The following UNKL variants were observed in gnomAD, a reference collection of about 807,000 sequenced individuals.
UNKL encodes unk like zinc finger.
A neutral mutation model predicts 78.0 loss-of-function variants in UNKL; 60 were observed. That is an observed-to-expected ratio of 0.77 (90% confidence interval 0.63 to 0.95). UNKL has a LOEUF of 0.95. Among genes scored for constraint, UNKL ranks in the 40% least tolerant of loss-of-function variants. The pLI is 0.00. For synonymous variants in UNKL, 608 were observed against 474.8 expected (o/e 1.28, Z -3.65); for missense variants, 1,159 against 1,045.7 (o/e 1.11, Z -1.49).
At chr16:1,394,728 T>G (rs6600139) in intron 6 of UNKL, among the ~76,000 whole-genome samples, 140,230 of 152,222 alleles carry the variant, frequency 0.92, 64,697 homozygotes, top group East Asian at 1. Context: ...TAGCTCTCCG[T>G]AAAGGACACG....
In UNKL at chr16:1,366,145, C is replaced by G. The variant is rs987497444; in HGVS notation, c.*95G>C. 2 of 1,360,936 alleles carry G rather than the reference C, an allele frequency of 1.5e-6. No individual in the cohort carries two copies. Among genetic ancestry groups the G allele is most frequent in the Non-Finnish European group, 9.6e-7 (1 of 1,042,930 alleles). 84.3% of individuals were successfully genotyped at this position (1,360,936 alleles called of 1,614,324 possible). On this transcript the variant is annotated 3_prime_UTR_variant, in exon 15 of 15. Coordinates refer to ENST00000389221, the MANE Select transcript of UNKL (RefSeq NM_001372107.1). ...GAAGGGCTCCCAGCCTCGGTCCTCA[C>G]GTCGGTGGCACCAGAAGCGAGTGAC...
chr16:1,414,104 G>T, intron 1 of UNKL, 49 bp from the exon 2 acceptor site: 1 of 1,495,722 alleles, frequency 6.7e-7, no homozygotes, highest in Non-Finnish European at 9.0e-7. Context: ...CACCTCCAGG[G>T]ACTCGGACTC....
At chr16:1,410,556 G>A (rs1300882131) in intron 2 of UNKL, among the ~76,000 whole-genome samples, 7 of 152,152 alleles carry the variant, frequency 4.6e-5, no homozygotes, top group Admixed American at 1.3e-4. Context: ...GCGGTGAGCC[G>A]AGATCACGCC....
chr16:1,367,507 TCCCTCCC>T lies in UNKL; in HGVS notation c.1788+142_1788+148del, dbSNP rs1261642029. Reference sequence around the variant, plus strand: ...GGCCCTCCCTCCCTCCCTCCCTCCCTCCCTCCCCCTCCCGTCTCACCCCCCACACGCT... The same window carrying T: ...GGCCCTCCCTCCCTCCCTCCCTCCCTCCTCCCGTCTCACCCCCCACACGCT... On this transcript the variant is annotated intron_variant, in intron 13 of 14. Transcript: ENST00000389221. The T allele has an allele frequency of 6.5e-3, 172 of 26,418 alleles. 1 individual carries two copies. Among genetic ancestry groups the T allele is most frequent in the Non-Finnish European group, 8.4e-3 (136 of 16,234 alleles). The allele number at this position is 26,418 out of a possible 1,614,324, so 1.6% of individuals were successfully genotyped here.
At position 1,366,270 on chromosome 16, in the gene UNKL, G is replaced by A. The variant is rs767323660; in HGVS notation, c.2172C>T (p.Pro724=). The A allele has an allele frequency of 3.1e-6, 5 of 1,589,298 alleles. No individual in the cohort carries two copies. Among genetic ancestry groups the A allele is most frequent in the East Asian group, 2.3e-5 (1 of 43,632 alleles). The part of the protein sequence containing the change: ...EPCAATAPEC[P]YCKGQPLQW ...ACTGCAGGGGCTGGCCCTTGCAGTA[G>A]GGGCACTCAGGTGCGGTGGCCGCAC... Residue 724 remains proline, a synonymous_variant, in exon 15 of 15, where the codon CCC becomes CCT. Coordinates refer to ENST00000389221, the MANE Select transcript of UNKL (RefSeq NM_001372107.1).
rs2037412476 is a variant in UNKL at position 1,399,351 on chromosome 16, T to G, written c.734+23A>C. On this transcript the variant is annotated intron_variant, in intron 5 of 14. Coordinates refer to ENST00000389221, the MANE Select transcript of UNKL (RefSeq NM_001372107.1). The surrounding 1 kb of genome is among the most constrained non-coding windows in gnomAD (Gnocchi z 5.8). ...AGGACGCCCACCAGCCGGAGTCCTC[T>G]GAGCACGGTCCCGCAGGCTCACCTG... 6.4e-7 allele frequency: 1 copy of G among 1,558,698 alleles called. No homozygotes were observed. The highest frequency in any genetic ancestry group is 1.2e-5 in the South Asian group (1 of 86,480).
chr16:1,390,175 A>G (rs1398231127), intron 9 of UNKL, among the ~76,000 whole-genome samples: 4 of 152,078 alleles, frequency 2.6e-5, no homozygotes, highest in Non-Finnish European at 2.9e-5. Context: ...TTTAGTACAG[A>G]TGGGGTTTCA....
chr16:1,390,106 C>G (rs558259553), intron 9 of UNKL, among the ~76,000 whole-genome samples: 35 of 152,326 alleles, frequency 2.3e-4, no homozygotes, highest in African/African-American at 8.4e-4. Context: ...CCTGCCTCAG[C>G]TTCCCGAGTA....
chr16:1,405,300 GCAGC>G (rs141019527), intron 2 of UNKL, among the ~76,000 whole-genome samples: 9,593 of 150,754 alleles, frequency 0.064, 1,026 homozygotes, highest in African/African-American at 0.22. Flanking sequence ...AGGAAGGCAG[GCAGC>G]CAGCCAGGCA....
chr16:1,398,678 T>TGGGGGG, intron 5 of UNKL: 1 of 1,428,516 alleles, frequency 7.0e-7, no homozygotes, highest in Non-Finnish European at 9.2e-7. Context: ...CTGTGGGGTC[T>TGGGGGG]GCACCCCCCC....
chr16:1,389,398 C>A (rs1176217064), intron 9 of UNKL, among the ~76,000 whole-genome samples: 1 of 152,072 alleles, frequency 6.6e-6, no homozygotes, highest in African/African-American at 2.4e-5. Flanking sequence ...ACAGGCTGGG[C>A]AACCCCATTT....
rs879326441 is a variant in UNKL, at chr16:1,397,174, G to T, written c.852+4C>A. Reference sequence around the variant, plus strand: ...CCTACGCCTGGGGGGTTGGAGGGACGTACCTCGGGATGGAACTGCTGCTCC... The same window carrying T: ...CCTACGCCTGGGGGGTTGGAGGGACTTACCTCGGGATGGAACTGCTGCTCC... On this transcript the variant is annotated splice_donor_region_variant and intron_variant, in intron 6 of 14. Coordinates refer to ENST00000389221, the MANE Select transcript of UNKL (RefSeq NM_001372107.1). 2 of 1,547,158 alleles carry T rather than the reference G, an allele frequency of 1.3e-6. No homozygotes were observed. Among genetic ancestry groups the T allele is most frequent in the Non-Finnish European group, 1.7e-6 (2 of 1,146,878 alleles).
Position 1,390,839 on chromosome 16 carries a change from G to A in UNKL, c.1024-145C>T, listed in dbSNP as rs975122647. On this transcript the variant is annotated intron_variant, in intron 8 of 14. Coordinates refer to ENST00000389221, the MANE Select transcript of UNKL (RefSeq NM_001372107.1). The stretch of plus-strand genomic sequence containing the variant: ...GAGCTCAGGAGTTCGAGACCAGCCT[G>A]GCCAACATGGTGAAAACCTGTCTCT... The A allele has an allele frequency of 3.8e-6, 3 of 797,432 alleles. No homozygotes were observed. In the African/African-American group the frequency reaches 5.2e-5, roughly 14 times the overall value. 49.4% of individuals were successfully genotyped at this position (797,432 alleles called of 1,614,324 possible). A position where few individuals can be genotyped will look rare whatever the true frequency, so the allele number is the denominator to read the frequency against.
At chr16:1,384,201 G>A (rs1596705306) in intron 10 of UNKL, among the ~76,000 whole-genome samples, 1 of 151,032 alleles carries the variant, frequency 6.6e-6, no homozygotes, top group East Asian at 1.9e-4. Flanking sequence ...GTGTGGCCAG[G>A]TGTCCCCCAC....
intron 4 of UNKL, chr16:1,401,361 G>T (rs2037516265): frequency 3.9e-6 from 2 of 516,282 alleles, no homozygotes; most frequent in South Asian, 6.2e-5. Flanking sequence ...TTCAGAGCAG[G>T]TGCGGGGGAA....
At chr16:1,370,461 G>C in intron 11 of UNKL, 104 bp from the exon 12 acceptor site, 1 of 1,475,656 alleles carries the variant, frequency 6.8e-7, no homozygotes, top group Non-Finnish European at 9.0e-7. Context: ...GGTGGTGGTG[G>C]TGGGGATATG....
chr16:1,366,640 G>A (rs547861113), intron 14 of UNKL, among the ~76,000 whole-genome samples: 11 of 152,332 alleles, frequency 7.2e-5, no homozygotes, highest in Middle Eastern at 3.4e-3. Context: ...CCACAGACAC[G>A]GCAGTGGCCA....
intron 9 of UNKL, among the ~76,000 whole-genome samples, chr16:1,385,644 C>T (rs533061687): frequency 5.3e-5 from 8 of 152,336 alleles, no homozygotes; most frequent in Middle Eastern, 6.8e-3. Context: ...CTGCAGAAAA[C>T]GTTTCAGGAG....
At chr16:1,411,648 A>C (rs2038042816) in intron 2 of UNKL, among the ~76,000 whole-genome samples, 4 of 152,100 alleles carry the variant, frequency 2.6e-5, no homozygotes, top group African/African-American at 9.7e-5. Context: ...AACATGTAGA[A>C]ATCCCGTCTC....
Sources: allele counts gnomAD v4.1 joint callset (sites outside exome capture counted in the v4.1 genomes callset), GRCh38; gene constraint gnomAD v4.1.1; non-coding constraint Gnocchi (gnomAD v3.1); transcripts MANE v1.5; gene names NCBI Gene and HGNC (gene_info 2026-07-23, HGNC 2026-07-21).